The following FARS2 variants were observed in gnomAD, a reference collection of about 807,000 sequenced individuals.
FARS2 encodes the protein phenylalanyl-tRNA synthetase 2, mitochondrial.
In FARS2, 40 loss-of-function variants were observed where a neutral mutation model predicts 46.4. That is an observed-to-expected ratio of 0.86 (90% CI 0.67 to 1.12). FARS2 has a LOEUF of 1.12. FARS2 is among the 50% of genes most tolerant of loss of function. FARS2 has a pLI of 0.00. For missense variants in FARS2, 513 were observed against 567.9 expected, an observed-to-expected ratio of 0.90 and a Z score of 0.98; for synonymous variants, 234 against 214.9, an observed-to-expected ratio of 1.09 and a Z score of -0.78.
At chr6:5,643,558 C>G (rs978758534) in intron 6 of FARS2, among the ~76,000 whole-genome samples, 1 of 152,154 alleles carries the variant, frequency 6.6e-6, no homozygotes, top group Non-Finnish European at 1.5e-5. Context: ...TTAGCAGCCA[C>G]GTTAAGGTAA....
chr6:5,630,527 G>A lies in FARS2; in HGVS notation c.1217+17207G>A, dbSNP rs756928911. 9.2e-5 allele frequency among the ~76,000 whole-genome samples: 14 copies of A among 152,184 alleles called. No individual in the cohort carries two copies. The highest frequency in any genetic ancestry group is 1.5e-4 in the Non-Finnish European group (10 of 68,036). On this transcript the variant is annotated intron_variant, in intron 6 of 6. Coordinates refer to ENST00000274680, the MANE Select transcript of FARS2 (RefSeq NM_006567.5). The surrounding 1 kb of genome is among the most constrained non-coding windows in gnomAD (Gnocchi z 4.2). ...TGGTGTCTCATGGAGCAAGCAAAAC[G>A]TCCTGACTCTGGAAACCAGACCTGC... is the stretch of plus-strand genomic sequence containing the variant.
chr6:5,395,609 A>G (rs1760855771), intron 2 of FARS2, among the ~76,000 whole-genome samples: 1 of 152,148 alleles, frequency 6.6e-6, no homozygotes, highest in Non-Finnish European at 1.5e-5. Flanking sequence ...TCATCTTATT[A>G]GTTCTCCTCT....
intron 6 of FARS2, among the ~76,000 whole-genome samples, chr6:5,763,347 G>T (rs2150981146): frequency 6.6e-6 from 1 of 152,312 alleles, no homozygotes; most frequent in African/African-American, 2.4e-5. Context: ...AGCTTTTCAG[G>T]AGGCTGAGGT....
intron 4 of FARS2, among the ~76,000 whole-genome samples, chr6:5,538,251 C>G (rs1770345274): frequency 6.6e-6 from 1 of 151,966 alleles, no homozygotes; most frequent in South Asian, 2.1e-4. Context: ...TTATACCTAC[C>G]TTGGTTGACA....
intron 6 of FARS2, among the ~76,000 whole-genome samples, chr6:5,745,696 T>C (rs190473100): frequency 1.3e-5 from 2 of 152,228 alleles, no homozygotes; most frequent in African/African-American, 2.4e-5. Flanking sequence ...CGCACCACCA[T>C]GCCTGGCTAA....
At chr6:5,675,231 C>T (rs1455574176) in intron 6 of FARS2, among the ~76,000 whole-genome samples, 1 of 142,500 alleles carries the variant, frequency 7.0e-6, no homozygotes, top group Non-Finnish European at 1.6e-5. Context: ...CACACACACA[C>T]ACACACACGG....
In FARS2 at chr6:5,296,392, T is replaced by C. The variant is rs550859522; in HGVS notation, c.-22+34732T>C. On this transcript the variant is annotated intron_variant, in intron 1 of 6. Transcript: ENST00000274680. ...TCCTGACCTCGTGATCCGCCCGCCT[T>C]GGCCTCCCAAAGTGCTGGGATTACA... is the stretch of plus-strand genomic sequence containing the variant. Among the ~76,000 whole-genome samples, 1,456 of 152,224 alleles carry C rather than the reference T, an allele frequency of 9.6e-3. 9 individuals are homozygous for C. Among genetic ancestry groups the C allele is most frequent in the Middle Eastern group, 0.027 (8 of 294 alleles).
chr6:5,389,654 A>G (rs191540837), intron 2 of FARS2, among the ~76,000 whole-genome samples: 4 of 152,324 alleles, frequency 2.6e-5, no homozygotes, highest in Admixed American at 1.3e-4. Context: ...GTGATACGGT[A>G]GTGGCTAACT....
chr6:5,709,232 A>C (rs1582808971), intron 6 of FARS2, among the ~76,000 whole-genome samples: 1 of 152,138 alleles, frequency 6.6e-6, no homozygotes, highest in East Asian at 1.9e-4. Flanking sequence ...TTGAGGCCAT[A>C]GATGCTGAGA....
rs72817781 is a variant in FARS2 at position 5,575,620 on chromosome 6, C to T, written c.1065+30280C>T. 5.9e-3 allele frequency among the ~76,000 whole-genome samples: 897 copies of T among 152,296 alleles called. 6 individuals carry two copies. The highest frequency in any genetic ancestry group is 9.1e-3 in the Non-Finnish European group (620 of 68,028). On this transcript the variant is annotated intron_variant, in intron 5 of 6. Coordinates refer to ENST00000274680, the MANE Select transcript of FARS2 (RefSeq NM_006567.5). ...ATTTTGTCAGCTCTCCCCATAGTGTCCTTAATTGCTATTTTCTTCCTGGTC... is the reference window on the plus strand; with the variant it reads ...ATTTTGTCAGCTCTCCCCATAGTGTTCTTAATTGCTATTTTCTTCCTGGTC...
chr6:5,563,022 A>G (rs575899497), intron 5 of FARS2, among the ~76,000 whole-genome samples: 1 of 151,928 alleles, frequency 6.6e-6, no homozygotes, highest in African/African-American at 2.4e-5. Context: ...AGGAGCAGAA[A>G]GTTTAATAGG....
At chr6:5,717,871 C>G (rs1173725451) in intron 6 of FARS2, among the ~76,000 whole-genome samples, 1 of 147,742 alleles carries the variant, frequency 6.8e-6, no homozygotes, top group Non-Finnish European at 1.5e-5. Context: ...CCCTAGTTCC[C>G]TCATATTGCA....
intron 5 of FARS2, among the ~76,000 whole-genome samples, chr6:5,597,492 T>C (rs2150622718): frequency 6.6e-6 from 1 of 152,316 alleles, no homozygotes; most frequent in South Asian, 2.1e-4. Flanking sequence ...GAGCGGCGCC[T>C]GATGTTCTTT....
intron 6 of FARS2, among the ~76,000 whole-genome samples, chr6:5,636,916 A>C (rs62385469): frequency 2.6e-5 from 4 of 152,258 alleles, no homozygotes; most frequent in Admixed American, 2.0e-4. Context: ...AAGGGACCTC[A>C]GGTAGTGAGC....
intron 4 of FARS2, among the ~76,000 whole-genome samples, chr6:5,516,678 T>C (rs1427904495): frequency 6.6e-6 from 1 of 152,230 alleles, no homozygotes; most frequent in Non-Finnish European, 1.5e-5. Flanking sequence ...AATTTCTTTA[T>C]TCAACTCAAG....
intron 4 of FARS2, among the ~76,000 whole-genome samples, chr6:5,498,031 T>C (rs912409584): frequency 6.6e-6 from 1 of 152,220 alleles, no homozygotes; most frequent in Non-Finnish European, 1.5e-5. Flanking sequence ...TCACATCTGC[T>C]TTCACCTACT....
Position 5,633,278 on chromosome 6 carries a change from T to C in FARS2, c.1217+19958T>C, listed in dbSNP as rs907890754. Among the ~76,000 whole-genome samples the C allele has an allele frequency of 6.7e-3, 909 of 134,876 alleles. 11 individuals are homozygous for C. The highest frequency in any genetic ancestry group is 0.025 in the African/African-American group (862 of 34,250). The allele number at this position is 134,876 out of a possible 152,430, so 88.5% of individuals were successfully genotyped here. On this transcript the variant is annotated intron_variant, in intron 6 of 6. Coordinates refer to ENST00000274680, the MANE Select transcript of FARS2 (RefSeq NM_006567.5). ...CATCCCTGGCTTTTTTTTTTTTTTT[T>C]TTTTTTTTTTTTTTTGTGACAGAGT... is the stretch of plus-strand genomic sequence containing the variant.
At chr6:5,565,999 TG>T (rs1239385701) in intron 5 of FARS2, among the ~76,000 whole-genome samples, 6 of 152,208 alleles carry the variant, frequency 3.9e-5, no homozygotes, top group African/African-American at 1.2e-4. Flanking sequence ...AATTTGACCA[TG>T]AGGTGAAATC....
intron 3 of FARS2, among the ~76,000 whole-genome samples, chr6:5,420,258 C>T (rs1350827330): frequency 6.6e-6 from 1 of 152,162 alleles, no homozygotes; most frequent in Non-Finnish European, 1.5e-5. Context: ...TGGGTGGGGA[C>T]ACAGCCAAAC....
Sources: allele counts gnomAD v4.1 joint callset (sites outside exome capture counted in the v4.1 genomes callset), GRCh38; gene constraint gnomAD v4.1.1; non-coding constraint Gnocchi (gnomAD v3.1); transcripts MANE v1.5; gene names NCBI Gene and HGNC (gene_info 2026-07-23, HGNC 2026-07-21).